The following ADK variants were observed in gnomAD, a reference collection of about 807,000 sequenced individuals.
ADK encodes the protein N6,N6-dimethyladenosine kinase.
In ADK, 24 loss-of-function variants were observed where a neutral mutation model predicts 44.7. That is an observed-to-expected ratio of 0.54 (90% CI 0.39 to 0.76). ADK has a LOEUF of 0.76. Ranked by LOEUF, ADK falls within the 30% of genes least tolerant of loss-of-function variation. The pLI is 0.00. For synonymous variants in ADK, 128 were observed against 142.6 expected (o/e 0.90, Z 0.73); for missense variants, 321 against 425.1 (o/e 0.76, Z 2.15).
rs142642033 is a variant in ADK at position 74,300,082 on chromosome 10, C to G, written c.195-14585C>G. ...TTTTTTTTTTAGAAACAGGATCTTG[C>G]TATGTTCTCCAGGTTGGTCTTGAAC... On this transcript the variant is annotated intron_variant, in intron 3 of 10. Transcript: ENST00000539909. 1.1e-4 allele frequency among the ~76,000 whole-genome samples: 16 copies of G among 149,752 alleles called. No homozygotes were observed. In the East Asian group the frequency reaches 3.1e-3, roughly 29 times the overall value.
At chr10:74,531,740 C>T (rs1849298347) in intron 7 of ADK, among the ~76,000 whole-genome samples, 2 of 152,070 alleles carry the variant, frequency 1.3e-5, no homozygotes, top group Non-Finnish European at 2.9e-5. Context: ...TTTTGTTGCC[C>T]AGGCTGGTTT....
intron 6 of ADK, among the ~76,000 whole-genome samples, chr10:74,420,191 C>T (rs147277566): frequency 6.6e-6 from 1 of 152,196 alleles, no homozygotes; most frequent in Admixed American, 6.5e-5. Flanking sequence ...ATATGTGATA[C>T]CTGTAGACTT....
At chr10:74,680,778 T>A (rs184085665) in intron 10 of ADK, among the ~76,000 whole-genome samples, 40 of 152,346 alleles carry the variant, frequency 2.6e-4, no homozygotes, top group Admixed American at 2.2e-3. Flanking sequence ...GCAGCATGAT[T>A]GTCAAATTAA....
chr10:74,703,696 A>G lies in ADK; in HGVS notation c.965-4625A>G, dbSNP rs180925524. Among the ~76,000 whole-genome samples, 110 of 152,344 alleles carry G rather than the reference A, an allele frequency of 7.2e-4. 1 individual carries two copies. The highest frequency in any genetic ancestry group is 2.5e-3 in the African/African-American group (106 of 41,588). On this transcript the variant is annotated intron_variant, in intron 10 of 10. Coordinates refer to ENST00000539909, the MANE Select transcript of ADK (RefSeq NM_006721.4). ...ATTGGGTAATTGACTAAATTGAAAT[A>G]TGGACAGTAGATTAGATAACAGTGT...
At chr10:74,662,518 C>T (rs1167937985) in intron 9 of ADK, among the ~76,000 whole-genome samples, 1 of 152,118 alleles carries the variant, frequency 6.6e-6, no homozygotes, top group African/African-American at 2.4e-5. Flanking sequence ...TGGGCTCAAC[C>T]AGTCCTCCCG....
chr10:74,666,473 C>A (rs1007434069), intron 9 of ADK, among the ~76,000 whole-genome samples: 1 of 151,930 alleles, frequency 6.6e-6, no homozygotes, highest in Non-Finnish European at 1.5e-5. Context: ...ATTCCCAACC[C>A]TTTTCCTTCT....
At chr10:74,299,213 G>A (rs1839917346) in intron 3 of ADK, among the ~76,000 whole-genome samples, 1 of 151,980 alleles carries the variant, frequency 6.6e-6, no homozygotes, top group Non-Finnish European at 1.5e-5. Flanking sequence ...ATATGTGGAG[G>A]CCGGGCACAG....
At position 74,431,066 on chromosome 10, in the gene ADK, CAAAAAA is replaced by C. The variant is rs35141788; in HGVS notation, c.555+32507_555+32512del. Reference sequence around the variant, plus strand: ...TGGGCGACAGAGCGAGACTCCGTCTCAAAAAAAAAAAAAAAAAAAAAAAAAGAGGCT... The same window carrying C: ...TGGGCGACAGAGCGAGACTCCGTCTCAAAAAAAAAAAAAAAAAAAGAGGCT... On this transcript the variant is annotated intron_variant, in intron 6 of 10. Coordinates refer to ENST00000539909, the MANE Select transcript of ADK (RefSeq NM_006721.4). 1.6e-3 allele frequency among the ~76,000 whole-genome samples: 92 copies of C among 57,256 alleles called. 1 individual carries two copies. Among genetic ancestry groups the C allele is most frequent in the African/African-American group, 7.1e-3 (88 of 12,336 alleles). The allele number at this position is 57,256 out of a possible 152,430, so 37.6% of individuals were successfully genotyped here.
At chr10:74,235,555 C>T (rs1844927574) in intron 3 of ADK, among the ~76,000 whole-genome samples, 1 of 152,140 alleles carries the variant, frequency 6.6e-6, no homozygotes, top group African/African-American at 2.4e-5. Context: ...CTGCCTACCT[C>T]AGCCTCCCAA....
rs189541608 is a variant in ADK, at chr10:74,436,439, A to G, written c.555+37860A>G. Among the ~76,000 whole-genome samples, 62 of 151,174 alleles carry G rather than the reference A, an allele frequency of 4.1e-4. 1 individual carries two copies. Among genetic ancestry groups the G allele is most frequent in the Admixed American group, 3.1e-3 (46 of 15,022 alleles). On this transcript the variant is annotated intron_variant, in intron 6 of 10. Coordinates refer to ENST00000539909, the MANE Select transcript of ADK (RefSeq NM_006721.4). ...ATTCATTAAGTGGAATTGAATCATCATAAAGGTCTTCATCCTCTTAGTCTT... is the reference window on the plus strand; with the variant it reads ...ATTCATTAAGTGGAATTGAATCATCGTAAAGGTCTTCATCCTCTTAGTCTT...
At chr10:74,549,337 G>A (rs955240753) in intron 7 of ADK, among the ~76,000 whole-genome samples, 2 of 151,954 alleles carry the variant, frequency 1.3e-5, no homozygotes, top group African/African-American at 4.8e-5. Context: ...ATTTTCCCTC[G>A]AATTTATAGA....
intron 9 of ADK, among the ~76,000 whole-genome samples, chr10:74,642,186 A>G (rs1853873504): frequency 6.6e-6 from 1 of 152,154 alleles, no homozygotes; most frequent in Admixed American, 6.5e-5. Context: ...TGTTTGGAAT[A>G]TATAGTTATT....
intron 10 of ADK, among the ~76,000 whole-genome samples, chr10:74,697,662 T>G (rs1856257078): frequency 6.6e-6 from 1 of 152,190 alleles, no homozygotes. Flanking sequence ...GTTCATTTCC[T>G]TCTAAAATAT....
chr10:74,591,338 A>G (rs900251466), intron 8 of ADK, among the ~76,000 whole-genome samples: 31 of 152,204 alleles, frequency 2.0e-4, no homozygotes, highest in African/African-American at 5.3e-4. Flanking sequence ...ACCTCCTGAC[A>G]TAGCAAAACT....
At chr10:74,323,659 C>G (rs1251735610) in intron 4 of ADK, among the ~76,000 whole-genome samples, 1 of 151,676 alleles carries the variant, frequency 6.6e-6, no homozygotes, top group Non-Finnish European at 1.5e-5. Flanking sequence ...TAATCTCCAC[C>G]TCCCGGGGTC....
intron 4 of ADK, among the ~76,000 whole-genome samples, chr10:74,337,856 G>A (rs996535768): frequency 6.6e-6 from 1 of 150,692 alleles, no homozygotes; most frequent in Non-Finnish European, 1.5e-5. Flanking sequence ...TCCGCCTCCC[G>A]GGTTCAAGTG....
At chr10:74,247,899 C>G (rs77233927) in intron 3 of ADK, among the ~76,000 whole-genome samples, 1 of 152,066 alleles carries the variant, frequency 6.6e-6, no homozygotes, top group African/African-American at 2.4e-5. Context: ...AGCCCACCTA[C>G]AGAAGAACAA....
At chr10:74,424,474 C>T (rs12264199) in intron 6 of ADK, among the ~76,000 whole-genome samples, 6,229 of 122,852 alleles carry the variant, frequency 0.051, 471 homozygotes, top group African/African-American at 0.17. Flanking sequence ...GTGGAGGTTG[C>T]GGTGAGCCAA....
chr10:74,679,910 A>G (rs918937395), intron 10 of ADK, among the ~76,000 whole-genome samples: 1 of 152,090 alleles, frequency 6.6e-6, no homozygotes, highest in African/African-American at 2.4e-5. Context: ...GTGAGCTGGG[A>G]TGGCACCACC....
Sources: gnomAD v4.1 joint callset for allele counts (sites outside exome capture counted in the v4.1 genomes callset) on GRCh38, gnomAD v4.1.1 for gene constraint, MANE v1.5 for transcripts, NCBI Gene and HGNC (gene_info 2026-07-23, HGNC 2026-07-21) for gene names.